CECR2: variants seen among roughly 807,000 people sequenced by gnomAD.
CECR2 encodes chromatin remodeling regulator CECR2.
In CECR2, 30 loss-of-function variants were observed where a neutral mutation model predicts 154.5. The observed-to-expected ratio is 0.19, with a 90% CI of 0.15 to 0.26. The LOEUF is 0.26. Ranked by LOEUF, CECR2 falls within the 10% of genes least tolerant of loss-of-function variation. The pLI is 1.00. For synonymous variants in CECR2, 725 were observed against 683.7 expected (o/e 1.06, Z -0.94); for missense variants, 1,743 against 1,829.3 (o/e 0.95, Z 0.86).
intron 8 of CECR2, among the ~76,000 whole-genome samples, chr22:17,513,455 A>G (rs896466585): frequency 1.3e-5 from 2 of 152,238 alleles, no homozygotes; most frequent in Admixed American, 1.3e-4. Context: ...AGATCTTGTC[A>G]GTAACTAAAC....
intron 1 of CECR2, among the ~76,000 whole-genome samples, chr22:17,392,336 C>G (rs1032272230): frequency 6.6e-6 from 1 of 151,866 alleles, no homozygotes; most frequent in African/African-American, 2.4e-5. Context: ...ACTAAAAATA[C>G]AAAATTACAG....
intron 1 of CECR2, among the ~76,000 whole-genome samples, chr22:17,444,718 C>T (rs1017138951): frequency 6.6e-6 from 1 of 152,122 alleles, no homozygotes; most frequent in Non-Finnish European, 1.5e-5. Context: ...AAACTGAACC[C>T]AGCCTAGAAC....
At chr22:17,551,348 T>C (rs1467370516) in intron 17 of CECR2, among the ~76,000 whole-genome samples, 1 of 152,204 alleles carries the variant, frequency 6.6e-6, no homozygotes, top group Non-Finnish European at 1.5e-5. Context: ...TTTTTTCTGA[T>C]AAAGGATCCA....
Position 17,548,590 on chromosome 22 carries a change from G to A in CECR2, c.3303G>A (p.Pro1101=), listed in dbSNP as rs960677521. 1.5e-5 allele frequency: 24 copies of A among 1,613,402 alleles called. No individual in the cohort carries two copies. Among genetic ancestry groups the A allele is most frequent in the African/African-American group, 6.7e-5 (5 of 74,918 alleles). ...GCACGGGACAGAACGCAGCGACACC[G>A]CCCAGCACAGACCCCGGTTTGACGG... ...MPCTGQNAAT[P]PSTDPGLTGG... Residue 1101 remains proline (P), a synonymous_variant, in exon 17 of 19, where the codon CCG becomes CCA. Transcript: ENST00000262608.
rs60634016 is a variant in CECR2, at chr22:17,379,581, GGTGTGTGTGTGT to G, written c.126+9705_126+9716del. Among the ~76,000 whole-genome samples, 1,302 of 137,902 alleles carry G rather than the reference GGTGTGTGTGTGT, an allele frequency of 9.4e-3. 16 individuals carry two copies. The highest frequency in any genetic ancestry group is 0.033 in the African/African-American group (1,221 of 37,098). 90.5% of individuals were successfully genotyped at this position (137,902 alleles called of 152,430 possible). The stretch of plus-strand genomic sequence containing the variant: ...AAAGTTCAGTGGGACCTACGTTGAA[GGTGTGTGTGTGT>G]GTGTGTGTGTGTGTGTGTGTGTGTG... On this transcript the variant is annotated intron_variant, in intron 1 of 18. Coordinates refer to ENST00000262608, the MANE Select transcript of CECR2 (RefSeq NM_001290047.2).
Position 17,493,391 on chromosome 22 carries a change from G to A in CECR2, c.222-4012G>A, listed in dbSNP as rs576593467. ...AAGTGTTTTCTGTCCTATAGAAGAT[G>A]AAGAACCAGTAAGTCAAAAGAATTA... On this transcript the variant is annotated intron_variant, in intron 2 of 18. Coordinates refer to ENST00000262608, the MANE Select transcript of CECR2 (RefSeq NM_001290047.2). Among the ~76,000 whole-genome samples, 4 of 152,324 alleles carry A rather than the reference G, an allele frequency of 2.6e-5. No individual in the cohort carries two copies. The South Asian group carries it at 6.2e-4, about 24-fold the overall frequency.
rs2056788221 is a variant in CECR2, at chr22:17,557,559, T to C, written c.*4719T>C. 2 of 152,040 alleles carry C rather than the reference T, an allele frequency of 1.3e-5. No homozygotes were observed. Among genetic ancestry groups the C allele is most frequent in the African/African-American group, 4.8e-5 (2 of 41,376 alleles). 9.4% of individuals were successfully genotyped at this position (152,040 alleles called of 1,614,324 possible). On this transcript the variant is annotated 3_prime_UTR_variant, in exon 19 of 19. Transcript: ENST00000262608. ...GACTGTTCCGGGCTCGGCTTGACCT[T>C]TTCCTACCTAGTTTCTCCCTCTTGT...
At chr22:17,466,623 C>G (rs2055037562) in intron 1 of CECR2, among the ~76,000 whole-genome samples, 1 of 139,894 alleles carries the variant, frequency 7.1e-6, no homozygotes, top group African/African-American at 2.8e-5. Flanking sequence ...GAGAAGGAGT[C>G]TTGCTCTGTT....
In CECR2 at chr22:17,402,923, A is replaced by G. The variant is rs576945890; in HGVS notation, c.126+33014A>G. ...CAGGCATGTGCCACCACGCCCAGCT[A>G]ATTTTGTATTTTTAGTAGAGACGGG... On this transcript the variant is annotated intron_variant, in intron 1 of 18. Transcript: ENST00000262608. Among the ~76,000 whole-genome samples, 65 of 151,986 alleles carry G rather than the reference A, an allele frequency of 4.3e-4. 1 individual carries two copies. In the South Asian group the frequency reaches 0.013, roughly 30 times the overall value.
intron 1 of CECR2, among the ~76,000 whole-genome samples, chr22:17,389,669 C>G (rs746273999): frequency 6.6e-6 from 1 of 151,898 alleles, no homozygotes; most frequent in Admixed American, 6.6e-5. Context: ...ACTCTGTTGC[C>G]CAGGCTGGAG....
chr22:17,370,684 C>T (rs1255510858), intron 1 of CECR2, among the ~76,000 whole-genome samples: 1 of 152,164 alleles, frequency 6.6e-6, no homozygotes, highest in Non-Finnish European at 1.5e-5. Context: ...TTTTCCAGCC[C>T]GGGGCTTTGT....
In CECR2 at chr22:17,552,882, C is replaced by T. The variant is rs771483309; in HGVS notation, c.*42C>T. 2.7e-5 allele frequency: 41 copies of T among 1,543,518 alleles called. No individual in the cohort carries two copies. Among genetic ancestry groups the T allele is most frequent in the East Asian group, 7.4e-5 (3 of 40,752 alleles). The stretch of plus-strand genomic sequence containing the variant: ...GCCCCAAGCAATGGAAAGCTGCACA[C>T]GAAGACTGGAATGTGGAGAACTGGG... On this transcript the variant is annotated 3_prime_UTR_variant, in exon 19 of 19. Coordinates refer to ENST00000262608, the MANE Select transcript of CECR2 (RefSeq NM_001290047.2).
At chr22:17,524,066 C>A in intron 8 of CECR2, 52 bp from the exon 9 acceptor site, 1 of 1,383,212 alleles carries the variant, frequency 7.2e-7, no homozygotes, top group East Asian at 2.5e-5. Context: ...GAGCAAAGAG[C>A]TTATCTTGCA....
intron 1 of CECR2, among the ~76,000 whole-genome samples, chr22:17,432,442 A>G (rs2054439744): frequency 1.3e-5 from 2 of 152,160 alleles, no homozygotes; most frequent in South Asian, 4.1e-4. Context: ...ATATTCCTGT[A>G]AAAGTTCTTT....
upstream of CECR2, among the ~76,000 whole-genome samples, chr22:17,364,725 G>A (rs1238592442): frequency 6.6e-6 from 1 of 152,140 alleles, no homozygotes; most frequent in Non-Finnish European, 1.5e-5. Context: ...GCACCTATAG[G>A]CTGAGACAGG....
At chr22:17,438,923 C>T (rs1232854855) in intron 1 of CECR2, among the ~76,000 whole-genome samples, 1 of 151,980 alleles carries the variant, frequency 6.6e-6, no homozygotes, top group Non-Finnish European at 1.5e-5. Context: ...GCATGGAATT[C>T]CACACTTTGG....
intron 8 of CECR2, among the ~76,000 whole-genome samples, chr22:17,515,596 A>T (rs147612000): frequency 1.3e-5 from 2 of 152,316 alleles, no homozygotes; most frequent in East Asian, 3.9e-4. Flanking sequence ...AAATTCTGAT[A>T]CCCAGATTTA....
intron 1 of CECR2, among the ~76,000 whole-genome samples, chr22:17,370,288 C>A (rs1569036121): frequency 7.0e-6 from 1 of 142,040 alleles, no homozygotes; most frequent in Non-Finnish European, 1.5e-5. Flanking sequence ...GCCATTGAGG[C>A]GCGAGCCAGC....
At chr22:17,442,576 TCTCA>T (rs1163778152) in intron 1 of CECR2, among the ~76,000 whole-genome samples, 1 of 152,122 alleles carries the variant, frequency 6.6e-6, no homozygotes, top group African/African-American at 2.4e-5. Context: ...TGAGATGGAA[TCTCA>T]CTCTGTCGCC....
Sources: allele counts gnomAD v4.1 joint callset (sites outside exome capture counted in the v4.1 genomes callset), GRCh38; gene constraint gnomAD v4.1.1; transcripts MANE v1.5; gene names NCBI Gene and HGNC (gene_info 2026-07-23, HGNC 2026-07-21).